The following SPOCK1 variants were observed in gnomAD, a reference collection of about 807,000 sequenced individuals.
SPOCK1 encodes testican-1.
In SPOCK1, 23 loss-of-function variants were observed where a neutral mutation model predicts 55.3. The observed-to-expected ratio is 0.42, with a 90% CI of 0.30 to 0.59. The LOEUF is 0.59. Ranked by LOEUF, SPOCK1 falls within the 20% of genes least tolerant of loss-of-function variation. SPOCK1 has a pLI of 0.22. For missense variants in SPOCK1, 499 were observed against 552.5 expected (o/e 0.90, Z 0.97); for synonymous variants, 226 against 221.0 (o/e 1.02, Z -0.20).
chr5:137,492,319 A>G (rs1754198764), intron 2 of SPOCK1, among the ~76,000 whole-genome samples: 1 of 152,224 alleles, frequency 6.6e-6, no homozygotes, highest in Non-Finnish European at 1.5e-5. Flanking sequence ...TGTTGGCACT[A>G]TCGAGAACAT....
chr5:137,215,160 C>T (rs1755692674), intron 3 of SPOCK1, among the ~76,000 whole-genome samples: 1 of 152,178 alleles, frequency 6.6e-6, no homozygotes, highest in Non-Finnish European at 1.5e-5. Flanking sequence ...ACCAAACTTT[C>T]TATAGGTTTT....
At chr5:137,029,779 A>G (rs1374380830) in intron 6 of SPOCK1, among the ~76,000 whole-genome samples, 2 of 152,202 alleles carry the variant, frequency 1.3e-5, no homozygotes, top group Non-Finnish European at 2.9e-5. Flanking sequence ...AGGATAGTTT[A>G]AGGCCAAGAG....
chr5:137,286,051 C>T (rs1757258418), intron 2 of SPOCK1, among the ~76,000 whole-genome samples: 2 of 152,202 alleles, frequency 1.3e-5, no homozygotes, highest in South Asian at 2.1e-4. Context: ...CTGCTCTAAA[C>T]AGACTACATC....
rs139132977 is a variant in SPOCK1 at position 137,363,612 on chromosome 5, G to C, written c.187-96557C>G. ...AAAGTTAAGAATCCTTACTGTCCTA[G>C]AGCTGTCAGGAGACAATGTAGGGTT... On this transcript the variant is annotated intron_variant, in intron 2 of 10. Transcript: ENST00000394945. Among the ~76,000 whole-genome samples the C allele has an allele frequency of 8.7e-3, 1,323 of 152,284 alleles. 17 individuals are homozygous for C. The highest frequency in any genetic ancestry group is 0.014 in the Non-Finnish European group (964 of 68,026).
intron 6 of SPOCK1, among the ~76,000 whole-genome samples, chr5:137,047,950 T>C (rs1752131906): frequency 1.5e-5 from 1 of 67,988 alleles, no homozygotes; most frequent in South Asian, 7.2e-4. Context: ...TTGAGCAGCT[T>C]TGAGTGAGAT....
chr5:137,332,539 C>T (rs1024457165), intron 2 of SPOCK1, among the ~76,000 whole-genome samples: 1 of 152,224 alleles, frequency 6.6e-6, no homozygotes, highest in African/African-American at 2.4e-5. Context: ...ATGATTACCA[C>T]AGCGACTGGC....
chr5:137,094,001 C>T (rs1239384638), intron 5 of SPOCK1, among the ~76,000 whole-genome samples: 1 of 152,182 alleles, frequency 6.6e-6, no homozygotes, highest in African/African-American at 2.4e-5. Flanking sequence ...CATGCAATGT[C>T]CCTGGGGCTC....
chr5:137,111,683 T>C (rs569187511), intron 5 of SPOCK1, among the ~76,000 whole-genome samples: 9 of 152,178 alleles, frequency 5.9e-5, no homozygotes, highest in Admixed American at 1.3e-4. Flanking sequence ...TATCACCTCC[T>C]TTCTCTACTT....
chr5:137,373,812 C>A (rs538285667), intron 2 of SPOCK1, among the ~76,000 whole-genome samples: 1 of 152,226 alleles, frequency 6.6e-6, no homozygotes, highest in Non-Finnish European at 1.5e-5. Context: ...ACAGACCTGG[C>A]TCAGCGTCTT....
intron 2 of SPOCK1, among the ~76,000 whole-genome samples, chr5:137,396,452 A>AT (rs939780120): frequency 6.6e-6 from 1 of 152,214 alleles, no homozygotes; most frequent in African/African-American, 2.4e-5. Context: ...AGAGGAATTG[A>AT]TTTTTTAAAT....
chr5:137,191,450 G>A (rs12055022), intron 3 of SPOCK1, among the ~76,000 whole-genome samples: 130,755 of 152,160 alleles, frequency 0.86, 56,272 homozygotes, highest in African/African-American at 0.91. Flanking sequence ...GACACAAACC[G>A]TACTCTAGGG....
At chr5:137,174,672 G>A (rs905083980) in intron 3 of SPOCK1, among the ~76,000 whole-genome samples, 1 of 152,230 alleles carries the variant, frequency 6.6e-6, no homozygotes, top group Admixed American at 6.5e-5. Context: ...CCAAAAGGGA[G>A]CATTTGTCTT....
At chr5:137,065,219 T>G (rs1386181503) in intron 6 of SPOCK1, among the ~76,000 whole-genome samples, 1 of 109,026 alleles carries the variant, frequency 9.2e-6, no homozygotes, top group Non-Finnish European at 1.9e-5. Context: ...CAGAGCGAGA[T>G]TTCATCTCAA....
chr5:137,041,491 T>C (rs978042334), intron 6 of SPOCK1, among the ~76,000 whole-genome samples: 2 of 152,162 alleles, frequency 1.3e-5, no homozygotes. Flanking sequence ...TAAAAACTTA[T>C]ACTCTGTGAA....
intron 3 of SPOCK1, among the ~76,000 whole-genome samples, chr5:137,180,796 C>A (rs1345150670): frequency 6.6e-6 from 1 of 152,088 alleles, no homozygotes; most frequent in Non-Finnish European, 1.5e-5. Context: ...AAATAGAAGC[C>A]CCCAGGGTTT....
chr5:137,375,891 T>C (rs13178091), intron 2 of SPOCK1, among the ~76,000 whole-genome samples: 19,603 of 152,204 alleles, frequency 0.13, 1,573 homozygotes, highest in East Asian at 0.27. Context: ...TCTCAGAAGA[T>C]GTGTCTGCAG....
chr5:137,079,544 C>CT lies in SPOCK1; in HGVS notation c.475-11716_475-11715insA, dbSNP rs1561601655. 3.4e-3 allele frequency among the ~76,000 whole-genome samples: 499 copies of CT among 148,090 alleles called. 19 individuals carry two copies. The highest frequency in any genetic ancestry group is 0.012 in the African/African-American group (473 of 38,980). On this transcript the variant is annotated intron_variant, in intron 5 of 10. Transcript: ENST00000394945. ...CCATCCCATCTGATTCCCCCCCCCC[C>CT]CGACTTAGTGAAATGTCGTACCAAA...
At chr5:137,426,772 A>G (rs1752620395) in intron 2 of SPOCK1, among the ~76,000 whole-genome samples, 1 of 152,134 alleles carries the variant, frequency 6.6e-6, no homozygotes. Flanking sequence ...TTCACAAGGA[A>G]TCCTTCCCAG....
chr5:137,440,893 G>A (rs994859221), intron 2 of SPOCK1, among the ~76,000 whole-genome samples: 1 of 152,240 alleles, frequency 6.6e-6, no homozygotes, highest in African/African-American at 2.4e-5. Context: ...CCTGCTGAGA[G>A]AGCAAGCAAA....
Sources: allele counts gnomAD v4.1 joint callset (sites outside exome capture counted in the v4.1 genomes callset), GRCh38; gene constraint gnomAD v4.1.1; transcripts MANE v1.5; gene names NCBI Gene and HGNC (gene_info 2026-07-23, HGNC 2026-07-21).